The following CDH13 variants were observed in gnomAD, a reference collection of about 807,000 sequenced individuals.
CDH13 encodes cadherin 13.
A neutral mutation model predicts 63.8 loss-of-function variants in CDH13; 24 were observed. The observed-to-expected ratio is 0.38, with a 90% confidence interval of 0.27 to 0.53. The LOEUF is 0.53. CDH13 is among the 20% of genes least tolerant of loss of function. CDH13 has a pLI of 0.85. For synonymous variants in CDH13, 503 were observed against 355.3 expected (o/e 1.42, Z -4.67); for missense variants, 1,049 against 903.1 (o/e 1.16, Z -2.07).
chr16:83,537,439 G>T (rs534738580), intron 7 of CDH13, among the ~76,000 whole-genome samples: 1 of 152,270 alleles, frequency 6.6e-6, no homozygotes, highest in African/African-American at 2.4e-5. Flanking sequence ...AACAAGACTT[G>T]AATATATAAT....
intron 5 of CDH13, among the ~76,000 whole-genome samples, chr16:83,256,657 C>A (rs1446214815): frequency 7.8e-6 from 1 of 128,966 alleles, no homozygotes; most frequent in Admixed American, 8.4e-5. Context: ...CGGTGAAACC[C>A]CGTCTCTACT....
chr16:83,506,210 G>A (rs1394076157), intron 7 of CDH13, among the ~76,000 whole-genome samples: 2 of 152,184 alleles, frequency 1.3e-5, no homozygotes, highest in African/African-American at 4.8e-5. Flanking sequence ...TGAAGGAAAA[G>A]GCTGGTCAGA....
chr16:83,356,969 C>T (rs1544814), intron 6 of CDH13, among the ~76,000 whole-genome samples: 1 of 152,146 alleles, frequency 6.6e-6, no homozygotes, highest in African/African-American at 2.4e-5. Context: ...TTCTTTCTTG[C>T]TCCAGTTTTC....
At chr16:83,628,033 C>T (rs143064441) in intron 8 of CDH13, among the ~76,000 whole-genome samples, 55 of 152,220 alleles carry the variant, frequency 3.6e-4, no homozygotes, top group African/African-American at 1.3e-3. Flanking sequence ...GCAGTGAGGA[C>T]GACTGGAGGT....
At chr16:83,700,509 G>A (rs1333123827) in intron 10 of CDH13, among the ~76,000 whole-genome samples, 2 of 152,242 alleles carry the variant, frequency 1.3e-5, no homozygotes, top group Non-Finnish European at 2.9e-5. Context: ...GGGACAGAGT[G>A]GGAATCAGGA....
intron 6 of CDH13, among the ~76,000 whole-genome samples, chr16:83,430,499 C>T (rs1317556159): frequency 2.0e-5 from 3 of 152,152 alleles, no homozygotes; most frequent in Non-Finnish European, 4.4e-5. Flanking sequence ...TAATAGACTC[C>T]CTGAATTGAA....
chr16:83,488,817 G>T (rs1173043877), intron 7 of CDH13, among the ~76,000 whole-genome samples: 2 of 152,048 alleles, frequency 1.3e-5, no homozygotes, highest in Non-Finnish European at 2.9e-5. Context: ...TAGAGATGGG[G>T]TTTCACTATA....
At position 83,047,905 on chromosome 16, in the gene CDH13, C is replaced by G. The variant is rs552481020; in HGVS notation, c.366+15687C>G. Among the ~76,000 whole-genome samples, 5 of 152,262 alleles carry G rather than the reference C, an allele frequency of 3.3e-5. No individual in the cohort carries two copies. Among genetic ancestry groups the G allele is most frequent in the Admixed American group, 1.3e-4 (2 of 15,294 alleles). ...AGGTGAATAAAGGAAGACGGGGAGA[C>G]TATGTGTGACCAGCACAGGGTCATA... On this transcript the variant is annotated intron_variant, in intron 3 of 13. Coordinates refer to ENST00000567109, the MANE Select transcript of CDH13 (RefSeq NM_001257.5). The surrounding 1 kb of genome is among the most constrained non-coding windows in gnomAD (Gnocchi z 4.9).
chr16:83,533,019 G>A (rs1479090641), intron 7 of CDH13, among the ~76,000 whole-genome samples: 3 of 152,194 alleles, frequency 2.0e-5, no homozygotes, highest in Non-Finnish European at 4.4e-5. Context: ...ACAATTGTCA[G>A]TCTGCAGAGC....
intron 2 of CDH13, among the ~76,000 whole-genome samples, chr16:82,949,412 C>T (rs1238699633): frequency 6.6e-6 from 1 of 152,096 alleles, no homozygotes; most frequent in East Asian, 1.9e-4. Context: ...CCTCTTAACT[C>T]GATGACATGT....
intron 3 of CDH13, among the ~76,000 whole-genome samples, chr16:83,106,483 G>A (rs893858718): frequency 2.6e-5 from 4 of 152,236 alleles, no homozygotes; most frequent in African/African-American, 9.6e-5. Flanking sequence ...AGAGGTTGCG[G>A]TGGGCCGAGA....
intron 7 of CDH13, among the ~76,000 whole-genome samples, chr16:83,598,576 A>G (rs956605754): frequency 3.3e-5 from 5 of 152,164 alleles, no homozygotes; most frequent in Non-Finnish European, 7.3e-5. Context: ...TGTTATTGCA[A>G]TAGTTGCAAT....
intron 4 of CDH13, among the ~76,000 whole-genome samples, chr16:83,179,091 C>T (rs757983032): frequency 6.6e-6 from 1 of 152,196 alleles, no homozygotes; most frequent in Non-Finnish European, 1.5e-5. Flanking sequence ...TCGAGTCTCA[C>T]ATCAGAGCAA....
At chr16:83,684,301 G>A (rs947623637) in intron 10 of CDH13, among the ~76,000 whole-genome samples, 1 of 152,076 alleles carries the variant, frequency 6.6e-6, no homozygotes, top group Admixed American at 6.5e-5. Flanking sequence ...TGTTAAACCT[G>A]GGAGGCAGAA....
Position 83,222,063 on chromosome 16 carries a change from G to A in CDH13, c.636+4566G>A, listed in dbSNP as rs147663780. Among the ~76,000 whole-genome samples, 321 of 152,200 alleles carry A rather than the reference G, an allele frequency of 2.1e-3. 1 individual carries two copies. Among genetic ancestry groups the A allele is most frequent in the African/African-American group, 5.9e-3 (245 of 41,538 alleles). ...GCTCCATGCCAAATACTCAGATGAT[G>A]GTCTCATCTCATCTTCATAAAGATA... On this transcript the variant is annotated intron_variant, in intron 5 of 13. Coordinates refer to ENST00000567109, the MANE Select transcript of CDH13 (RefSeq NM_001257.5).
intron 3 of CDH13, among the ~76,000 whole-genome samples, chr16:83,059,666 A>G (rs8051028): frequency 0.011 from 1,598 of 152,062 alleles, 35 homozygotes; most frequent in African/African-American, 0.034. Context: ...TAGCAGGCTG[A>G]CTTTCTGGTT....
chr16:83,559,107 C>T (rs2075653993), intron 7 of CDH13, among the ~76,000 whole-genome samples: 1 of 152,074 alleles, frequency 6.6e-6, no homozygotes, highest in African/African-American at 2.4e-5. Context: ...AGATCCACTG[C>T]CAGGAACTAG....
intron 2 of CDH13, among the ~76,000 whole-genome samples, chr16:83,010,321 T>C (rs1412003267): frequency 2.0e-5 from 3 of 151,930 alleles, no homozygotes; most frequent in Non-Finnish European, 4.4e-5. Flanking sequence ...GTTAACACTA[T>C]TTTCAATGAT....
At chr16:83,043,529 A>G (rs927742660) in intron 3 of CDH13, among the ~76,000 whole-genome samples, 9 of 139,990 alleles carry the variant, frequency 6.4e-5, no homozygotes, top group Middle Eastern at 3.6e-3. Context: ...GTGTGTGTGT[A>G]TGTATAACAG....
Sources: allele counts gnomAD v4.1 joint callset (sites outside exome capture counted in the v4.1 genomes callset), GRCh38; gene constraint gnomAD v4.1.1; non-coding constraint Gnocchi (gnomAD v3.1); transcripts MANE v1.5; gene names NCBI Gene and HGNC (gene_info 2026-07-23, HGNC 2026-07-21).